NLGN1: variants seen among roughly 807,000 people sequenced by gnomAD.
NLGN1 encodes neuroligin-1.
Under a neutral mutation model 65.5 loss-of-function variants are expected in NLGN1, and 12 were observed. The observed-to-expected ratio is 0.18, with a 90% CI of 0.12 to 0.30. The LOEUF (loss-of-function observed/expected upper bound fraction) is 0.30, where lower values mean the gene tolerates loss of function less well. NLGN1 is among the 10% of genes least tolerant of loss of function. The pLI is 1.00. For synonymous variants in NLGN1, 350 were observed against 359.5 expected, an observed-to-expected ratio of 0.97 and a Z score of 0.30; for missense variants, 750 against 1,007.1, an observed-to-expected ratio of 0.74 and a Z score of 3.46.
chr3:173,669,258 A>G (rs1164528404), intron 3 of NLGN1, among the ~76,000 whole-genome samples: 1 of 152,172 alleles, frequency 6.6e-6, no homozygotes, highest in Non-Finnish European at 1.5e-5. Flanking sequence ...ATCTTGTTTT[A>G]TATTGTTTCT....
intron 4 of NLGN1, among the ~76,000 whole-genome samples, chr3:173,841,671 A>G (rs1432408527): frequency 6.6e-6 from 1 of 152,150 alleles, no homozygotes; most frequent in Non-Finnish European, 1.5e-5. Flanking sequence ...AAAATGTATA[A>G]AGGTAGAAAC....
chr3:173,832,126 TA>T (rs35612566), intron 4 of NLGN1, among the ~76,000 whole-genome samples: 115,074 of 147,540 alleles, frequency 0.78, 45,630 homozygotes, highest in Non-Finnish European at 0.85. Flanking sequence ...CCAGCTAAAT[TA>T]AAAAAAAAAA....
chr3:174,087,358 A>G (rs552652233), intron 4 of NLGN1, among the ~76,000 whole-genome samples: 1 of 152,298 alleles, frequency 6.6e-6, no homozygotes, highest in Non-Finnish European at 1.5e-5. Flanking sequence ...TAGCGTGGTA[A>G]TAACAAGCTG....
intron 4 of NLGN1, among the ~76,000 whole-genome samples, chr3:173,966,419 G>T (rs1011933587): frequency 2.6e-5 from 4 of 152,320 alleles, no homozygotes; most frequent in African/African-American, 7.2e-5. Context: ...TTAGAAACAT[G>T]TTACTGTGTC....
chr3:173,444,344 C>G (rs975594244), intron 2 of NLGN1, among the ~76,000 whole-genome samples: 3 of 152,090 alleles, frequency 2.0e-5, no homozygotes, highest in African/African-American at 7.2e-5. Context: ...AATGAATAGG[C>G]TGTAATATCT....
intron 3 of NLGN1, among the ~76,000 whole-genome samples, chr3:173,689,272 T>G (rs1210424537): frequency 6.6e-6 from 1 of 152,146 alleles, no homozygotes; most frequent in Non-Finnish European, 1.5e-5. Flanking sequence ...CTACTTTTGC[T>G]TCTAAGGGTA....
At chr3:173,988,299 A>G (rs1412610341) in intron 4 of NLGN1, among the ~76,000 whole-genome samples, 1 of 152,040 alleles carries the variant, frequency 6.6e-6, no homozygotes, top group Non-Finnish European at 1.5e-5. Context: ...CAAAAACCAG[A>G]CCATTGTTTA....
At chr3:173,827,608 G>A (rs1023125382) in intron 4 of NLGN1, among the ~76,000 whole-genome samples, 7 of 149,200 alleles carry the variant, frequency 4.7e-5, no homozygotes, top group African/African-American at 1.2e-4. Context: ...ATCTTAATGA[G>A]GGATCATATA....
At chr3:174,286,623 TA>T (rs1323549085) in exon 7 of NLGN1, 3 of 151,658 alleles carry the variant, frequency 2.0e-5, no homozygotes, top group Non-Finnish European at 3.0e-5. Context: ...TTATCATGAA[TA>T]AATATTACCA....
At chr3:173,987,810 G>C (rs553121970) in intron 4 of NLGN1, among the ~76,000 whole-genome samples, 1 of 152,066 alleles carries the variant, frequency 6.6e-6, no homozygotes, top group African/African-American at 2.4e-5. Flanking sequence ...ATTCTTTTTG[G>C]CATTTTTCGG....
intron 4 of NLGN1, among the ~76,000 whole-genome samples, chr3:174,151,586 A>G (rs1479069810): frequency 1.3e-5 from 2 of 152,134 alleles, no homozygotes; most frequent in Admixed American, 6.5e-5. Flanking sequence ...TTAAGTTTCT[A>G]TGAATCTCTA....
chr3:173,557,965 A>C (rs1741984074), intron 2 of NLGN1, among the ~76,000 whole-genome samples: 1 of 152,036 alleles, frequency 6.6e-6, no homozygotes, highest in African/African-American at 2.4e-5. Context: ...TTTATGTAAA[A>C]ATGTCTTTAA....
rs570504805 is a variant in NLGN1, at chr3:173,861,571, CATATAT to C, written c.646+53743_646+53748del. ...GTGTGTGTGTGTATATACACACACA[CATATAT>C]ATACACACACATATATGTGTGTATG... On this transcript the variant is annotated intron_variant, in intron 4 of 6. Transcript: ENST00000457714. 3.3e-4 allele frequency among the ~76,000 whole-genome samples: 47 copies of C among 141,752 alleles called. No individual in the cohort carries two copies. The South Asian group carries it at 0.011, about 32-fold the overall frequency. The allele number at this position is 141,752 out of a possible 152,430, so 93.0% of individuals were successfully genotyped here.
At chr3:174,130,142 A>G (rs970126075) in intron 4 of NLGN1, among the ~76,000 whole-genome samples, 1 of 152,206 alleles carries the variant, frequency 6.6e-6, no homozygotes, top group African/African-American at 2.4e-5. Flanking sequence ...TGGGAGGCCA[A>G]GGCAGGTGGA....
At chr3:173,496,274 G>T (rs558364012) in intron 2 of NLGN1, among the ~76,000 whole-genome samples, 1 of 151,742 alleles carries the variant, frequency 6.6e-6, no homozygotes, top group Non-Finnish European at 1.5e-5. Context: ...AATACTGCTG[G>T]TTCAAGAATC....
intron 4 of NLGN1, among the ~76,000 whole-genome samples, chr3:173,919,407 T>C (rs765288919): frequency 2.0e-4 from 30 of 152,234 alleles, no homozygotes; most frequent in Admixed American, 7.2e-4. Context: ...GTTTTTACCA[T>C]ATGACAGAAT....
chr3:174,006,658 G>T (rs1724465831), intron 4 of NLGN1, among the ~76,000 whole-genome samples: 1 of 152,118 alleles, frequency 6.6e-6, no homozygotes, highest in Non-Finnish European at 1.5e-5. Context: ...ATATGTTGAA[G>T]CCCTAACCCC....
rs9835074 is a variant in NLGN1 at position 173,476,186 on chromosome 3, G to C, written c.-321+41108G>C. Among the ~76,000 whole-genome samples the C allele has an allele frequency of 8.6e-3, 1,305 of 152,290 alleles. 23 individuals are homozygous for C. The highest frequency in any genetic ancestry group is 0.03 in the African/African-American group (1,256 of 41,562). Reference sequence around the variant, plus strand: ...AGTTTGGTTTCTTTAGATCAGCAGAGTGCTGCCTGAGTGGGGACTCTGTCT... The same window carrying C: ...AGTTTGGTTTCTTTAGATCAGCAGACTGCTGCCTGAGTGGGGACTCTGTCT... On this transcript the variant is annotated intron_variant, in intron 2 of 6. Coordinates refer to ENST00000457714, the Ensembl canonical transcript of NLGN1.
chr3:173,550,996 T>G (rs551696864), intron 2 of NLGN1, among the ~76,000 whole-genome samples: 1 of 152,162 alleles, frequency 6.6e-6, no homozygotes, highest in Non-Finnish European at 1.5e-5. Flanking sequence ...ATCTCAAATA[T>G]TTTTACAAAT....
Sources: allele counts gnomAD v4.1 joint callset (sites outside exome capture counted in the v4.1 genomes callset), GRCh38; gene constraint gnomAD v4.1.1; transcripts MANE v1.5; gene names NCBI Gene and HGNC (gene_info 2026-07-23, HGNC 2026-07-21).